The following AHCYL2 variants were observed in gnomAD, a reference collection of about 807,000 sequenced individuals.
AHCYL2 encodes the protein adenosylhomocysteinase like 2, also known as S-adenosylhomocysteine hydrolase-like protein 2.
A neutral mutation model predicts 81.4 loss-of-function variants in AHCYL2; 28 were observed. That is an observed-to-expected ratio of 0.34 (90% CI 0.25 to 0.47). The LOEUF (loss-of-function observed/expected upper bound fraction) is 0.47, where lower values mean the gene tolerates loss of function less well. Ranked by LOEUF, AHCYL2 falls within the 20% of genes least tolerant of loss-of-function variation. The pLI, the probability that AHCYL2 is intolerant of heterozygous loss-of-function variation, is 1.00. For missense variants in AHCYL2, 551 were observed against 785.1 expected, an observed-to-expected ratio of 0.70 and a Z score of 3.56; for synonymous variants, 272 against 290.2, an observed-to-expected ratio of 0.94 and a Z score of 0.64.
At chr7:129,240,900 T>A (rs914742427) in intron 1 of AHCYL2, among the ~76,000 whole-genome samples, 3 of 152,156 alleles carry the variant, frequency 2.0e-5, no homozygotes, top group Non-Finnish European at 4.4e-5. Flanking sequence ...CATTTTTTTT[T>A]AACCTGTGGG....
At chr7:129,227,645 AAGACC>A (rs1336680650) in intron 1 of AHCYL2, among the ~76,000 whole-genome samples, 2 of 151,656 alleles carry the variant, frequency 1.3e-5, no homozygotes, top group Non-Finnish European at 2.9e-5. Context: ...TAAAAAATCA[AAGACC>A]AGCATACTGG....
At chr7:129,227,710 G>T (rs559239467) in intron 1 of AHCYL2, among the ~76,000 whole-genome samples, 1 of 150,366 alleles carries the variant, frequency 6.7e-6, no homozygotes, top group Admixed American at 6.7e-5. Context: ...TTTCCTTGTC[G>T]TTGAACCATC....
At chr7:129,358,116 A>G (rs1306530778) in intron 1 of AHCYL2, among the ~76,000 whole-genome samples, 1 of 151,354 alleles carries the variant, frequency 6.6e-6, no homozygotes, top group African/African-American at 2.4e-5. Flanking sequence ...AAGAAAGGCC[A>G]GGGGCGGTGG....
intron 1 of AHCYL2, among the ~76,000 whole-genome samples, chr7:129,302,791 G>A (rs1444816613): frequency 1.3e-5 from 2 of 152,068 alleles, no homozygotes; most frequent in East Asian, 3.8e-4. Context: ...TTACATAAAT[G>A]TTCATCAGAG....
chr7:129,287,351 A>G (rs1471014745), intron 1 of AHCYL2, among the ~76,000 whole-genome samples: 1 of 152,250 alleles, frequency 6.6e-6, no homozygotes. Flanking sequence ...GAAACACAAG[A>G]GTTATCACCA....
intron 1 of AHCYL2, among the ~76,000 whole-genome samples, chr7:129,320,563 G>T (rs12532192): frequency 6.6e-6 from 1 of 151,882 alleles, no homozygotes; most frequent in Non-Finnish European, 1.5e-5. Flanking sequence ...GTGATCCACC[G>T]CCCATCCCAA....
chr7:129,298,758 G>A (rs1797140664), intron 1 of AHCYL2, among the ~76,000 whole-genome samples: 1 of 152,152 alleles, frequency 6.6e-6, no homozygotes, highest in Admixed American at 6.5e-5. Context: ...ATATTAAACT[G>A]TTTAAGCTTT....
chr7:129,301,952 T>A (rs1392825522), intron 1 of AHCYL2, among the ~76,000 whole-genome samples: 1 of 152,174 alleles, frequency 6.6e-6, no homozygotes, highest in African/African-American at 2.4e-5. Flanking sequence ...ATTATTACAC[T>A]GATTCTGCTT....
intron 1 of AHCYL2, among the ~76,000 whole-genome samples, chr7:129,257,112 T>C (rs1795456673): frequency 6.6e-6 from 1 of 152,120 alleles, no homozygotes; most frequent in Non-Finnish European, 1.5e-5. Context: ...TCTGAAGGGA[T>C]GAAGCTGTTC....
At chr7:129,413,324 G>A (rs990422518) in intron 11 of AHCYL2, among the ~76,000 whole-genome samples, 1 of 152,004 alleles carries the variant, frequency 6.6e-6, no homozygotes, top group Non-Finnish European at 1.5e-5. Flanking sequence ...TGTATTTTTA[G>A]TAGAGATGGG....
chr7:129,393,313 G>C (rs1795559759), intron 4 of AHCYL2, among the ~76,000 whole-genome samples: 1 of 152,198 alleles, frequency 6.6e-6, no homozygotes, highest in Non-Finnish European at 1.5e-5. Flanking sequence ...AGCTACTTGG[G>C]AGGCTGAGGT....
intron 7 of AHCYL2, among the ~76,000 whole-genome samples, chr7:129,403,782 A>G (rs946613740): frequency 1.4e-5 from 2 of 146,384 alleles, no homozygotes; most frequent in African/African-American, 5.0e-5. Flanking sequence ...AATGGCATGA[A>G]CCCAGGAGGC....
intron 11 of AHCYL2, 122 bp downstream of exon 11, chr7:129,409,668 A>G: frequency 4.2e-6 from 3 of 722,144 alleles, no homozygotes; most frequent in Non-Finnish European, 6.9e-6. Context: ...AGTAGCCCAC[A>G]AAGCCAGCCA....
chr7:129,253,211 A>G (rs1050528931), intron 1 of AHCYL2, among the ~76,000 whole-genome samples: 1 of 152,118 alleles, frequency 6.6e-6, no homozygotes, highest in African/African-American at 2.4e-5. Flanking sequence ...TGTTTCAAAA[A>G]AAAAAAGAAG....
At chr7:129,375,683 G>T in intron 1 of AHCYL2, 2 of 1,386,376 alleles carry the variant, frequency 1.4e-6, no homozygotes, top group Non-Finnish European at 1.9e-6. Context: ...TTATTAAATT[G>T]GGGCTGTACT....
chr7:129,387,023 A>G (rs1795235153), intron 2 of AHCYL2, among the ~76,000 whole-genome samples: 1 of 152,206 alleles, frequency 6.6e-6, no homozygotes, highest in Admixed American at 6.5e-5. Flanking sequence ...CTGTATGCCA[A>G]GCATTGCAGT....
intron 2 of AHCYL2, among the ~76,000 whole-genome samples, chr7:129,383,834 G>T (rs930223891): frequency 2.6e-5 from 4 of 152,104 alleles, no homozygotes; most frequent in African/African-American, 9.7e-5. Flanking sequence ...TACATGCATT[G>T]CTGGCTACCT....
rs146088095 is a variant in AHCYL2, at chr7:129,423,439, A to G, written c.1560+501A>G. Among the ~76,000 whole-genome samples, 365 of 152,326 alleles carry G rather than the reference A, an allele frequency of 2.4e-3. 1 individual carries two copies. Among genetic ancestry groups the G allele is most frequent in the Non-Finnish European group, 4.3e-3 (293 of 68,030 alleles). On this transcript the variant is annotated intron_variant, in intron 13 of 16. Coordinates refer to ENST00000325006, the MANE Select transcript of AHCYL2 (RefSeq NM_015328.4). ...TACCTAGATATCAATTGCTCAATTG[A>G]TATTTCCCCATCCTAGCTCCTAGCT...
At chr7:129,294,683 T>C (rs1441712313) in intron 1 of AHCYL2, among the ~76,000 whole-genome samples, 1 of 152,240 alleles carries the variant, frequency 6.6e-6, no homozygotes, top group Non-Finnish European at 1.5e-5. Flanking sequence ...AGGATATCTT[T>C]TATTAGCAAA....
Sources: allele counts gnomAD v4.1 joint callset (sites outside exome capture counted in the v4.1 genomes callset), GRCh38; gene constraint gnomAD v4.1.1; transcripts MANE v1.5; gene names NCBI Gene and HGNC (gene_info 2026-07-23, HGNC 2026-07-21).